Variants in EHD3 observed in about 807,000 individuals in gnomAD.
EHD3 encodes EH domain containing 3.
A neutral mutation model predicts 43.0 loss-of-function variants in EHD3; 17 were observed. The observed-to-expected ratio is 0.40, with a 90% CI of 0.27 to 0.59. The LOEUF (loss-of-function observed/expected upper bound fraction) is 0.59, where lower values mean the gene tolerates loss of function less well. Among genes scored for constraint, EHD3 ranks in the 20% least tolerant of loss-of-function variants. EHD3 has a pLI of 0.49. For synonymous variants in EHD3, 313 were observed against 289.5 expected, an observed-to-expected ratio of 1.08 and a Z score of -0.82; for missense variants, 594 against 705.6, an observed-to-expected ratio of 0.84 and a Z score of 1.79.
At chr2:31,241,136 T>C (rs1030444663) in intron 1 of EHD3, among the ~76,000 whole-genome samples, 19 of 152,180 alleles carry the variant, frequency 1.2e-4, no homozygotes, top group African/African-American at 4.3e-4. Flanking sequence ...ACAGCTGATA[T>C]TTACAGAGAT....
At chr2:31,251,470 G>T (rs1683635292) in intron 3 of EHD3, among the ~76,000 whole-genome samples, 1 of 152,216 alleles carries the variant, frequency 6.6e-6, no homozygotes, top group Non-Finnish European at 1.5e-5. Flanking sequence ...GGAAAGCCCT[G>T]CCCTTCCTCC....
At chr2:31,265,181 C>T (rs143520843) in intron 5 of EHD3, among the ~76,000 whole-genome samples, 47 of 152,194 alleles carry the variant, frequency 3.1e-4, no homozygotes, top group South Asian at 6.2e-4. Flanking sequence ...TTACTGTTAA[C>T]ATTTTTTTTA....
Position 31,261,719 on chromosome 2 carries a change from G to C in EHD3, c.1080+6G>C, listed in dbSNP as rs78848751. The C allele has an allele frequency of 1.5e-5, 24 of 1,613,636 alleles. No individual in the cohort carries two copies. Among genetic ancestry groups the C allele is most frequent in the Non-Finnish European group, 2.0e-5 (24 of 1,179,754 alleles). ...CCAATCTGAAGAGGATGCAGGTAGC[G>C]AGGGCTGGGGTCTCTAAGACAAGGG... On this transcript the variant is annotated splice_donor_region_variant and intron_variant, in intron 5 of 5. Transcript: ENST00000322054.
intron 3 of EHD3, among the ~76,000 whole-genome samples, chr2:31,253,458 A>G (rs1257736833): frequency 1.3e-5 from 2 of 152,186 alleles, no homozygotes; most frequent in Non-Finnish European, 2.9e-5. Flanking sequence ...ACACGAGGGC[A>G]TCTAGAACCT....
chr2:31,260,845 A>G lies in EHD3; in HGVS notation c.838A>G (p.Arg280Gly). 3.7e-6 allele frequency: 6 copies of G among 1,614,180 alleles called. No individual in the cohort carries two copies. Among genetic ancestry groups the G allele is most frequent in the South Asian group, 1.1e-5 (1 of 91,078 alleles). ...LFEAEEQDLFRDIQSLPRNAA... is the reference protein window; with the variant it reads ...LFEAEEQDLFGDIQSLPRNAA... ...TGAGGCTGAGGAACAGGACCTATTC[A>G]GGGACATCCAGAGTCTGCCCCGAAA... The change falls in exon 4 of 6, where the codon AGG becomes GGG. Residue 280 changes from arginine to glycine, a missense_variant. Arg to Gly is a moderately radical substitution (Grantham distance 125). Around this residue, in one of 3 missense-constraint regions of EHD3, gnomAD observed 322 missense variants for 348.0 expected, o/e 0.93. Coordinates refer to ENST00000322054, the MANE Select transcript of EHD3 (RefSeq NM_014600.3). The surrounding 1 kb of genome is among the most constrained non-coding windows in gnomAD (Gnocchi z 4.6).
rs13377 is a variant in EHD3, at chr2:31,268,209, A to T, written c.*1505A>T. On this transcript the variant is annotated 3_prime_UTR_variant, in exon 6 of 6. Transcript: ENST00000322054. ...TGTGGTCTCTCCCCTGGCTTGCTTC[A>T]TGGCCACTGAACCAATCACTTTGTA... is the stretch of plus-strand genomic sequence containing the variant. The T allele has an allele frequency of 1.3e-5, 2 of 152,656 alleles. No individual in the cohort carries two copies. Among genetic ancestry groups the T allele is most frequent in the Non-Finnish European group, 2.9e-5 (2 of 68,074 alleles). The allele number at this position is 152,656 out of a possible 1,614,324, so 9.5% of individuals were successfully genotyped here. A position where few individuals can be genotyped will look rare whatever the true frequency, so the allele number is the denominator to read the frequency against.
In EHD3 at chr2:31,269,220, G is replaced by T. The variant is rs920815902; in HGVS notation, c.*2516G>T. The T allele has an allele frequency of 1.3e-5, 2 of 152,268 alleles. No homozygotes were observed. Among genetic ancestry groups the T allele is most frequent in the East Asian group, 3.9e-4 (2 of 5,180 alleles). 9.4% of individuals were successfully genotyped at this position (152,268 alleles called of 1,614,324 possible). ...CAAGAATTTCTAGAGCACTTGTCCT[G>T]TTGTTCCTTGCCCCGACATTACTCA... is the stretch of plus-strand genomic sequence containing the variant. On this transcript the variant is annotated 3_prime_UTR_variant, in exon 6 of 6. Transcript: ENST00000322054.
chr2:31,239,886 C>T (rs1370504282), intron 1 of EHD3, among the ~76,000 whole-genome samples: 1 of 151,920 alleles, frequency 6.6e-6, no homozygotes, highest in Non-Finnish European at 1.5e-5. Flanking sequence ...CAGGAAGGTG[C>T]GGGAAGGCCC....
rs149768883 is a variant in EHD3, at chr2:31,268,694, G to A, written c.*1990G>A. On this transcript the variant is annotated 3_prime_UTR_variant, in exon 6 of 6. Transcript: ENST00000322054. ...TGAAATGAAGGGCAGACAAAGGCCA[G>A]GCAAAGAGGTCTCACCTGCTCTGGA... The A allele has an allele frequency of 6.1e-3, 937 of 152,380 alleles. 10 individuals carry two copies. Among genetic ancestry groups the A allele is most frequent in the Non-Finnish European group, 9.2e-3 (627 of 68,058 alleles). The allele number at this position is 152,380 out of a possible 1,614,324, so 9.4% of individuals were successfully genotyped here. A position where few individuals can be genotyped will look rare whatever the true frequency, so the allele number is the denominator to read the frequency against.
chr2:31,243,590 G>A (rs1349003069), intron 1 of EHD3, among the ~76,000 whole-genome samples: 2 of 151,142 alleles, frequency 1.3e-5, no homozygotes, highest in South Asian at 2.1e-4. Context: ...CCTAGTAGCT[G>A]GGATTACAGG....
chr2:31,235,567 T>C (rs1683308239), intron 1 of EHD3, among the ~76,000 whole-genome samples: 1 of 152,186 alleles, frequency 6.6e-6, no homozygotes, highest in African/African-American at 2.4e-5. Context: ...GCAGGTGAGA[T>C]AACCGAGGCG....
intron 2 of EHD3, among the ~76,000 whole-genome samples, chr2:31,244,953 G>T (rs1411702786): frequency 6.6e-6 from 1 of 152,058 alleles, no homozygotes; most frequent in South Asian, 2.1e-4. Flanking sequence ...CTCTTCCCCC[G>T]GGACAAGTTC....
intron 1 of EHD3, among the ~76,000 whole-genome samples, chr2:31,239,450 G>A (rs1230144494): frequency 2.0e-5 from 3 of 152,242 alleles, no homozygotes; most frequent in Non-Finnish European, 4.4e-5. Flanking sequence ...CTGTGTCCGC[G>A]TGCCTCGGCC....
At position 31,234,529 on chromosome 2, in the gene EHD3, G is replaced by C. The variant is rs1044635378; in HGVS notation, c.-93G>C. On this transcript the variant is annotated 5_prime_UTR_variant, in exon 1 of 6. Coordinates refer to ENST00000322054, the MANE Select transcript of EHD3 (RefSeq NM_014600.3). ...CGCGCTTGGGTGAGGCGGCGGCGCG[G>C]CTCGGAGCCCGGCGGACCGGTCCTA... is the stretch of plus-strand genomic sequence containing the variant. 6.9e-6 allele frequency: 10 copies of C among 1,450,808 alleles called. No homozygotes were observed. In the African/African-American group the frequency reaches 9.7e-5, roughly 14 times the overall value. 89.9% of individuals were successfully genotyped at this position (1,450,808 alleles called of 1,614,324 possible).
At position 31,234,299 on chromosome 2, in the gene EHD3, C is replaced by T. The variant is rs1439122710; in HGVS notation, c.-323C>T. ...GCTGGGGGCCGATCGGGGACCCCGG[C>T]TTGGGACCCCGGCATCTGGCAGTTT... is the stretch of plus-strand genomic sequence containing the variant. On this transcript the variant is annotated 5_prime_UTR_variant, in exon 1 of 6. Transcript: ENST00000322054. 4 of 41,256 alleles carry T rather than the reference C, an allele frequency of 9.7e-5. No homozygotes were observed. Among genetic ancestry groups the T allele is most frequent in the African/African-American group, 2.4e-4 (4 of 16,616 alleles). 2.6% of individuals were successfully genotyped at this position (41,256 alleles called of 1,614,324 possible).
At chr2:31,240,557 A>G (rs1683403876) in intron 1 of EHD3, among the ~76,000 whole-genome samples, 1 of 152,202 alleles carries the variant, frequency 6.6e-6, no homozygotes, top group South Asian at 2.1e-4. Flanking sequence ...ATGTGTGGTC[A>G]GCAAGTTTTG....
At chr2:31,265,042 CT>C (rs1380032686) in intron 5 of EHD3, among the ~76,000 whole-genome samples, 2 of 152,172 alleles carry the variant, frequency 1.3e-5, no homozygotes, top group Admixed American at 6.5e-5. Flanking sequence ...ATCAGTTTCG[CT>C]GTCTTCACCT....
chr2:31,266,467 G>A lies in EHD3; in HGVS notation c.1371G>A (p.Pro457=), dbSNP rs766021809. 34 of 1,614,034 alleles carry A rather than the reference G, an allele frequency of 2.1e-5. No homozygotes were observed. Among genetic ancestry groups the A allele is most frequent in the African/African-American group, 5.3e-5 (4 of 74,908 alleles). ...ACGAGATCTTCTACACCCTGTCACCGGTGGATGGCAAGATCACAGGCGCTA... is the reference window on the plus strand; with the variant it reads ...ACGAGATCTTCTACACCCTGTCACCAGTGGATGGCAAGATCACAGGCGCTA... ...MYDEIFYTLS[P]VDGKITGANA... Residue 457 remains proline, a synonymous_variant, in exon 6 of 6, where the codon CCG becomes CCA. Coordinates refer to ENST00000322054, the MANE Select transcript of EHD3 (RefSeq NM_014600.3). The surrounding 1 kb of genome is among the most constrained non-coding windows in gnomAD (Gnocchi z 5.1).
chr2:31,251,191 C>T (rs763497817), intron 3 of EHD3, among the ~76,000 whole-genome samples: 23 of 152,196 alleles, frequency 1.5e-4, no homozygotes, highest in Admixed American at 8.5e-4. Flanking sequence ...CTGTGAGCTG[C>T]CTTGGTGTCC....
Sources: allele counts gnomAD v4.1 joint callset (sites outside exome capture counted in the v4.1 genomes callset), GRCh38; gene constraint gnomAD v4.1.1; regional missense constraint gnomAD v4.1.1; non-coding constraint Gnocchi (gnomAD v3.1); transcripts MANE v1.5; gene names NCBI Gene and HGNC (gene_info 2026-07-23, HGNC 2026-07-21).